CKMT2: variants seen among roughly 807,000 people sequenced by gnomAD.
The protein encoded by CKMT2 is creatine kinase S-type, mitochondrial.
In CKMT2, 43 loss-of-function variants were observed where a neutral mutation model predicts 48.9. That is an observed-to-expected ratio of 0.88 (90% CI 0.69 to 1.13). CKMT2 has a LOEUF of 1.13. CKMT2 is among the 50% of genes most tolerant of loss of function. CKMT2 has a pLI of 0.00. For synonymous variants in CKMT2, 206 were observed against 213.0 expected (o/e 0.97, Z 0.29); for missense variants, 472 against 555.4 (o/e 0.85, Z 1.51).
intron 1 of CKMT2, among the ~76,000 whole-genome samples, chr5:81,239,858 G>A (rs1048420124): frequency 6.6e-6 from 1 of 152,070 alleles, no homozygotes; most frequent in Non-Finnish European, 1.5e-5. Flanking sequence ...CAAACCATGT[G>A]GTCCTGGGTG....
chr5:81,238,123 A>G (rs1215678967), intron 1 of CKMT2: 1 of 152,222 alleles, frequency 6.6e-6, no homozygotes, highest in Non-Finnish European at 1.5e-5. Context: ...TCACGAGATC[A>G]GGAGATTGAG....
Position 81,257,845 on chromosome 5 carries a change from G to A in CKMT2, c.868G>A (p.Gly290Arg). 1 of 1,612,224 alleles carries A rather than the reference G, an allele frequency of 6.2e-7. No individual in the cohort carries two copies. The highest frequency in any genetic ancestry group is 1.1e-5 in the South Asian group (1 of 90,900). Residue 290 changes from glycine (G) to arginine (R), a missense_variant, in exon 7 of 10, where the codon GGA becomes AGA. By Grantham distance (125) the Gly-to-Arg change is moderately radical (BLOSUM62 -2). Transcript: ENST00000254035. ...MKRVFERFCR[G>R]LKEVERLIQE... ...ACGAGTATTTGAGCGATTCTGTCGT[G>A]GACTAAAAGAAGTAAGATGTTATCT...
chr5:81,255,313 C>G, intron 5 of CKMT2, 99 bp downstream of exon 5: 1 of 1,097,726 alleles, frequency 9.1e-7, no homozygotes. Context: ...CTTACCCTAG[C>G]TGGGAGCTTG....
chr5:81,243,314 A>T (rs1182597328), intron 1 of CKMT2, among the ~76,000 whole-genome samples: 3 of 152,182 alleles, frequency 2.0e-5, no homozygotes, highest in African/African-American at 7.2e-5. Flanking sequence ...GCTAGAAGGG[A>T]ACAGATTTTG....
chr5:81,263,239 G>A (rs1204350067), intron 8 of CKMT2, among the ~76,000 whole-genome samples: 2 of 151,710 alleles, frequency 1.3e-5, no homozygotes, highest in Admixed American at 6.6e-5. Flanking sequence ...TGGATTGATG[G>A]GTGCAGCAAA....
At chr5:81,258,768 G>A (rs138327692) in intron 7 of CKMT2, among the ~76,000 whole-genome samples, 3 of 152,174 alleles carry the variant, frequency 2.0e-5, no homozygotes, top group African/African-American at 7.2e-5. Flanking sequence ...TGCTCCTTAT[G>A]AGAAACTAAT....
rs932969103 is a variant in CKMT2 at position 81,261,412 on chromosome 5, TTGTC to T, written c.1015-2075_1015-2072del. ...TCACGCAGGAAGAGAGGAAGTTAAG[TTGTC>T]TGTGTTTGCAGATGACATGATTGTA... On this transcript the variant is annotated intron_variant, in intron 8 of 9. Transcript: ENST00000254035. Among the ~76,000 whole-genome samples, 3 of 152,286 alleles carry T rather than the reference TTGTC, an allele frequency of 2.0e-5. No individual in the cohort carries two copies. The South Asian group carries it at 6.2e-4, about 32-fold the overall frequency.
chr5:81,251,542 C>T (rs554828214), intron 2 of CKMT2, among the ~76,000 whole-genome samples: 126 of 152,234 alleles, frequency 8.3e-4, no homozygotes, highest in South Asian at 5.2e-3. Context: ...GAGCCGAGAT[C>T]GCGCCACTGC....
At chr5:81,252,628 C>A in intron 2 of CKMT2, 67 bp from the exon 3 acceptor site, 1 of 1,533,276 alleles carries the variant, frequency 6.5e-7, no homozygotes, top group Non-Finnish European at 9.0e-7. Context: ...GGGCAAACAA[C>A]AAGTCCTTCC....
At position 81,249,627 on chromosome 5, in the gene CKMT2, T is replaced by G. The variant is rs1485516301; in HGVS notation, c.-20-1486T>G. Among the ~76,000 whole-genome samples, 5 of 146,814 alleles carry G rather than the reference T, an allele frequency of 3.4e-5. No homozygotes were observed. In the East Asian group the frequency reaches 7.7e-4, roughly 23 times the overall value. Reference sequence around the variant, plus strand: ...TATTACAAATAAATATATAAATACTTATTTAGATTTATACATGTTTTCTCC... The same window carrying G: ...TATTACAAATAAATATATAAATACTGATTTAGATTTATACATGTTTTCTCC... On this transcript the variant is annotated intron_variant, in intron 1 of 9. Transcript: ENST00000254035.
intron 1 of CKMT2, chr5:81,235,805 G>A (rs960630325): frequency 2.6e-5 from 4 of 152,220 alleles, no homozygotes; most frequent in African/African-American, 7.2e-5. Context: ...GGAACAAACA[G>A]GATATTATTG....
chr5:81,240,401 T>C (rs1052673287), intron 1 of CKMT2, among the ~76,000 whole-genome samples: 6 of 152,226 alleles, frequency 3.9e-5, no homozygotes, highest in Non-Finnish European at 7.3e-5. Context: ...AAAGGGTTAA[T>C]GACAATGGCC....
At chr5:81,263,752 T>G in intron 9 of CKMT2, 136 bp downstream of exon 9, 1 of 636,226 alleles carries the variant, frequency 1.6e-6, no homozygotes, top group South Asian at 2.7e-5. Flanking sequence ...TTATGTTAGC[T>G]TTTCATTCTG....
At chr5:81,234,345 G>A (rs1756191512) in intron 1 of CKMT2, among the ~76,000 whole-genome samples, 2 of 152,118 alleles carry the variant, frequency 1.3e-5, no homozygotes, top group Admixed American at 1.3e-4. Context: ...ACAAGGTTAC[G>A]CTAGGTACAC....
Position 81,255,268 on chromosome 5 carries a change from G to A in CKMT2, c.669+54G>A, listed in dbSNP as rs895142137. On this transcript the variant is annotated intron_variant, in intron 5 of 9. Transcript: ENST00000254035. ...AGGACTGGACCAAGGGCTCTGACCC[G>A]CACAGGAAGGCCTCTCCTGGTGCTC... 15 of 1,491,580 alleles carry A rather than the reference G, an allele frequency of 1.0e-5. No homozygotes were observed. The East Asian group carries it at 1.2e-4, about 12-fold the overall frequency. The allele number at this position is 1,491,580 out of a possible 1,614,324, so 92.4% of individuals were successfully genotyped here.
chr5:81,259,295 G>C (rs762918285), intron 8 of CKMT2, 41 bp downstream of exon 8: 2 of 1,577,374 alleles, frequency 1.3e-6, no homozygotes, highest in African/African-American at 2.7e-5. Context: ...GCCAGGATCA[G>C]CTCAGATGCG....
At chr5:81,257,944 C>T in intron 7 of CKMT2, 88 bp downstream of exon 7, 1 of 1,274,184 alleles carries the variant, frequency 7.8e-7, no homozygotes, top group South Asian at 1.7e-5. Flanking sequence ...TGGTAACTTC[C>T]AAGATGGAGC....
intron 8 of CKMT2, among the ~76,000 whole-genome samples, chr5:81,260,385 G>GAGAT (rs1241203476): frequency 3.3e-5 from 5 of 152,108 alleles, no homozygotes; most frequent in South Asian, 2.1e-4. Flanking sequence ...AGAACTGAAG[G>GAGAT]AGATAGAGAC....
intron 1 of CKMT2, among the ~76,000 whole-genome samples, chr5:81,236,889 C>T (rs937178437): frequency 6.6e-6 from 1 of 152,218 alleles, no homozygotes. Flanking sequence ...GTGGTTCACA[C>T]CTCTAATCCC....
Sources: gnomAD v4.1 joint callset for allele counts (sites outside exome capture counted in the v4.1 genomes callset) on GRCh38, gnomAD v4.1.1 for gene constraint, MANE v1.5 for transcripts, NCBI Gene and HGNC (gene_info 2026-07-23, HGNC 2026-07-21) for gene names.